MACROD2: variants seen among roughly 807,000 people sequenced by gnomAD.
MACROD2 encodes the protein mono-ADP ribosylhydrolase 2.
MACROD2 carries 36 observed loss-of-function variants against 70.4 expected under a neutral mutation model. That is an observed-to-expected ratio of 0.51 (90% confidence interval 0.39 to 0.68). MACROD2 has a LOEUF of 0.68. Among genes scored for constraint, MACROD2 ranks in the 30% least tolerant of loss-of-function variants. The pLI is 0.00. For synonymous variants in MACROD2, 172 were observed against 178.8 expected (o/e 0.96, Z 0.30); for missense variants, 496 against 538.4 (o/e 0.92, Z 0.78).
At chr20:15,049,021 A>G (rs904622483) in intron 5 of MACROD2, among the ~76,000 whole-genome samples, 17 of 151,814 alleles carry the variant, frequency 1.1e-4, no homozygotes, top group Middle Eastern at 3.2e-3. Flanking sequence ...TCTTTTTAAA[A>G]TTTTTCTTTG....
intron 5 of MACROD2, among the ~76,000 whole-genome samples, chr20:14,742,593 A>C (rs1859618327): frequency 6.6e-6 from 1 of 151,476 alleles, no homozygotes; most frequent in African/African-American, 2.4e-5. Context: ...TTTTTTAATA[A>C]GGGTTAAAAT....
At chr20:15,053,598 C>T (rs537808853) in intron 5 of MACROD2, among the ~76,000 whole-genome samples, 3 of 152,100 alleles carry the variant, frequency 2.0e-5, no homozygotes, top group Non-Finnish European at 4.4e-5. Flanking sequence ...AAAATATTAT[C>T]GCTTATTAAC....
rs1472272125 is a variant in MACROD2 at position 14,274,305 on chromosome 20, G to A, written c.271+188577G>A. Among the ~76,000 whole-genome samples the A allele has an allele frequency of 3.9e-5, 6 of 151,958 alleles. No individual in the cohort carries two copies. The East Asian group carries it at 9.7e-4, about 25-fold the overall frequency. ...CAAAAAGCTTATCCACCATGATCAAGTGGGCTTCATCCCTGGGATGCAAGG... is the reference window on the plus strand; with the variant it reads ...CAAAAAGCTTATCCACCATGATCAAATGGGCTTCATCCCTGGGATGCAAGG... On this transcript the variant is annotated intron_variant, in intron 3 of 17. Transcript: ENST00000684519.
intron 8 of MACROD2, among the ~76,000 whole-genome samples, chr20:15,725,877 G>T (rs949954954): frequency 6.6e-6 from 1 of 151,482 alleles, no homozygotes; most frequent in African/African-American, 2.4e-5. Context: ...TTAAGTTGCA[G>T]GAACATCTGC....
At chr20:14,213,341 TG>T (rs1171539150) in intron 3 of MACROD2, among the ~76,000 whole-genome samples, 13 of 139,174 alleles carry the variant, frequency 9.3e-5, no homozygotes, top group African/African-American at 3.5e-4. Context: ...GCCACATAGT[TG>T]ATTTTGAGCT....
chr20:14,352,337 C>T (rs1333442563), intron 3 of MACROD2: 1 of 152,128 alleles, frequency 6.6e-6, no homozygotes, highest in Admixed American at 6.6e-5. Context: ...TTCGGCAGCA[C>T]ATAGACTTAA....
chr20:14,549,222 G>C lies in MACROD2; in HGVS notation c.301+55714G>C, dbSNP rs540501291. ...GTATCAAGTATCTAATGAGTTTATA[G>C]GCTGGGCTAGAATCTATATTTGGGG... On this transcript the variant is annotated intron_variant, in intron 4 of 17. Coordinates refer to ENST00000684519, the MANE Select transcript of MACROD2 (RefSeq NM_001351661.2). 5.9e-5 allele frequency among the ~76,000 whole-genome samples: 9 copies of C among 152,246 alleles called. No individual in the cohort carries two copies. The South Asian group carries it at 1.9e-3, about 32-fold the overall frequency.
rs553600132 is a variant in MACROD2 at position 14,755,036 on chromosome 20, C to A, written c.418+70077C>A. On this transcript the variant is annotated intron_variant, in intron 5 of 17. Transcript: ENST00000684519. The stretch of plus-strand genomic sequence containing the variant: ...TCTTGATTCACTTATCAGCTGAAAA[C>A]AGCTGAGCAATCAAAGCACAGGTTC... 8.5e-5 allele frequency among the ~76,000 whole-genome samples: 13 copies of A among 152,142 alleles called. No homozygotes were observed. The South Asian group carries it at 2.7e-3, about 32-fold the overall frequency.
chr20:15,875,215 G>A (rs2064650968), intron 9 of MACROD2, among the ~76,000 whole-genome samples: 1 of 152,130 alleles, frequency 6.6e-6, no homozygotes, highest in Non-Finnish European at 1.5e-5. Flanking sequence ...GTTGTTAGTA[G>A]AAATATGTTA....
chr20:14,449,880 G>A (rs1046085431), intron 3 of MACROD2, among the ~76,000 whole-genome samples: 18 of 151,988 alleles, frequency 1.2e-4, no homozygotes, highest in Non-Finnish European at 2.4e-4. Flanking sequence ...TGCTTGCAGG[G>A]GATCATTTCA....
intron 15 of MACROD2, among the ~76,000 whole-genome samples, chr20:16,024,341 T>C (rs1302556618): frequency 6.6e-6 from 1 of 152,240 alleles, no homozygotes; most frequent in East Asian, 1.9e-4. Context: ...TTGATCATTC[T>C]ATTCATTTCA....
intron 12 of MACROD2, among the ~76,000 whole-genome samples, chr20:15,940,259 CTTTTTT>C (rs35217675): frequency 6.9e-6 from 1 of 144,196 alleles, no homozygotes; most frequent in Non-Finnish European, 1.5e-5. Context: ...CCTGGCTCTT[CTTTTTT>C]TTTTTTTTTA....
intron 6 of MACROD2, among the ~76,000 whole-genome samples, chr20:15,250,949 G>A (rs954185990): frequency 6.6e-6 from 1 of 152,094 alleles, no homozygotes; most frequent in Non-Finnish European, 1.5e-5. Context: ...AATGAATGTT[G>A]AATCTATGAA....
intron 9 of MACROD2, among the ~76,000 whole-genome samples, chr20:15,884,570 C>T (rs965180410): frequency 1.2e-4 from 18 of 151,788 alleles, no homozygotes; most frequent in African/African-American, 2.2e-4. Context: ...TTGGCAGTCA[C>T]GTGTAAAAGG....
At chr20:14,781,166 G>A (rs2072295693) in intron 5 of MACROD2, among the ~76,000 whole-genome samples, 1 of 151,958 alleles carries the variant, frequency 6.6e-6, no homozygotes, top group African/African-American at 2.4e-5. Flanking sequence ...CTGCAACTTT[G>A]TATCCATTGG....
chr20:14,805,327 A>C (rs552864596), intron 5 of MACROD2, among the ~76,000 whole-genome samples: 1 of 152,076 alleles, frequency 6.6e-6, no homozygotes, highest in East Asian at 1.9e-4. Flanking sequence ...CATTTAGAGA[A>C]ATTTTTCCCT....
At chr20:15,476,276 A>G (rs1459770067) in intron 7 of MACROD2, among the ~76,000 whole-genome samples, 1 of 152,224 alleles carries the variant, frequency 6.6e-6, no homozygotes, top group Non-Finnish European at 1.5e-5. Context: ...ATATTTATCA[A>G]AAGAGCACTT....
intron 5 of MACROD2, among the ~76,000 whole-genome samples, chr20:15,088,869 G>A (rs2075772860): frequency 6.6e-6 from 1 of 151,782 alleles, no homozygotes; most frequent in Non-Finnish European, 1.5e-5. Flanking sequence ...AGGAAAAGAG[G>A]GTAAAAGAGA....
intron 15 of MACROD2, among the ~76,000 whole-genome samples, chr20:16,038,512 TCTTAA>T (rs1239502325): frequency 1.4e-5 from 2 of 147,430 alleles, no homozygotes; most frequent in East Asian, 4.1e-4. Context: ...CCTATTTAAT[TCTTAA>T]CTTGTTTTTG....
Sources: allele counts gnomAD v4.1 joint callset (sites outside exome capture counted in the v4.1 genomes callset), GRCh38; gene constraint gnomAD v4.1.1; transcripts MANE v1.5; gene names NCBI Gene and HGNC (gene_info 2026-07-23, HGNC 2026-07-21).